The following ZPBP variants were observed in gnomAD, a reference collection of about 807,000 sequenced individuals.
ZPBP encodes zona pellucida-binding protein 1.
ZPBP carries 26 observed loss-of-function variants against 44.8 expected under a neutral mutation model. That is an observed-to-expected ratio of 0.58 (90% CI 0.43 to 0.81). The LOEUF (loss-of-function observed/expected upper bound fraction) is 0.81, where lower values mean the gene tolerates loss of function less well. ZPBP is among the 30% of genes least tolerant of loss of function. ZPBP has a pLI of 0.00. For synonymous variants in ZPBP, 174 were observed against 153.2 expected (o/e 1.14, Z -1.00); for missense variants, 409 against 434.0 (o/e 0.94, Z 0.51).
rs534110028 is a variant in ZPBP, at chr7:50,022,613, AG to A, written c.707-4298del. ...AGTAACAGGGACAATCAAACAAAAA[AG>A]ATATGAGACATCTTCTGGTTTCTAT... is the stretch of plus-strand genomic sequence containing the variant. On this transcript the variant is annotated intron_variant, in intron 5 of 7. Transcript: ENST00000046087. Among the ~76,000 whole-genome samples, 47 of 152,244 alleles carry A rather than the reference AG, an allele frequency of 3.1e-4. 1 individual carries two copies. The South Asian group carries it at 9.3e-3, about 30-fold the overall frequency.
intron 2 of ZPBP, among the ~76,000 whole-genome samples, chr7:49,892,036 T>G (rs1792156712): frequency 8.6e-6 from 1 of 116,062 alleles, no homozygotes; most frequent in African/African-American, 3.3e-5. Flanking sequence ...AGTAGATTTT[T>G]TTTTTTTTTT....
chr7:49,893,997 G>T (rs1307914735), intron 2 of ZPBP, among the ~76,000 whole-genome samples: 2 of 152,174 alleles, frequency 1.3e-5, no homozygotes, highest in East Asian at 3.9e-4. Flanking sequence ...TGCTCCATGG[G>T]GGCTGTGTCA....
intron 3 of ZPBP, among the ~76,000 whole-genome samples, chr7:50,072,515 G>C (rs1402563460): frequency 1.3e-5 from 2 of 152,216 alleles, no homozygotes; most frequent in African/African-American, 4.8e-5. Flanking sequence ...ACACAGGCTG[G>C]AGCCATGGAG....
chr7:49,947,816 CCTAA>C (rs1367732526), intron 7 of ZPBP, among the ~76,000 whole-genome samples: 4 of 152,204 alleles, frequency 2.6e-5, no homozygotes, highest in African/African-American at 9.6e-5. Flanking sequence ...TTCTTCCAGC[CCTAA>C]CTGTGTTCAG....
At chr7:50,086,479 G>T (rs1802657085) in intron 2 of ZPBP, among the ~76,000 whole-genome samples, 1 of 152,020 alleles carries the variant, frequency 6.6e-6, no homozygotes, top group Non-Finnish European at 1.5e-5. Flanking sequence ...ATGTAATAAA[G>T]AATGTGTGAT....
the ZPBP span, among the ~76,000 whole-genome samples, chr7:49,841,721 C>A: frequency 9.8e-5 from 15 of 152,310 alleles, no homozygotes; most frequent in East Asian, 2.1e-3. Context: ...CTACTTGATG[C>A]CCTTGTCCAC....
At chr7:49,923,503 C>T (rs1034225463) in intron 1 of ZPBP, among the ~76,000 whole-genome samples, 5 of 152,142 alleles carry the variant, frequency 3.3e-5, no homozygotes, top group Non-Finnish European at 5.9e-5. Flanking sequence ...TTATTAAGAC[C>T]TAATACTTAT....
At chr7:49,920,889 CTG>C (rs1371654221) in intron 1 of ZPBP, 1 of 152,070 alleles carries the variant, frequency 6.6e-6, no homozygotes, top group Non-Finnish European at 1.5e-5. Flanking sequence ...TTCTAATAGA[CTG>C]TTATAGGGGA....
intron 6 of ZPBP, among the ~76,000 whole-genome samples, chr7:50,018,027 A>G (rs958197151): frequency 3.3e-5 from 5 of 152,110 alleles, no homozygotes; most frequent in Admixed American, 1.3e-4. Flanking sequence ...TTCTTCATAT[A>G]ACCAATTACA....
rs1402781028 is a variant in ZPBP at position 49,954,748 on chromosome 7, G to A, written c.962-17126C>T. On this transcript the variant is annotated intron_variant, in intron 7 of 7. Transcript: ENST00000046087. ...CAAATATGTGGCAAAACTAAAAGGA[G>A]AAATAGACAAATTCACAATAATAGC... is the stretch of plus-strand genomic sequence containing the variant. Among the ~76,000 whole-genome samples the A allele has an allele frequency of 4.6e-5, 7 of 152,166 alleles. No homozygotes were observed. In the East Asian group the frequency reaches 1.4e-3, roughly 29 times the overall value.
intron 3 of ZPBP, among the ~76,000 whole-genome samples, chr7:50,071,392 C>T (rs982039841): frequency 1.3e-5 from 2 of 152,186 alleles, no homozygotes; most frequent in Admixed American, 1.3e-4. Context: ...CCAAGGTCTA[C>T]AGCACTCTGT....
At chr7:50,020,443 A>G (rs1799036934) in intron 5 of ZPBP, among the ~76,000 whole-genome samples, 1 of 152,038 alleles carries the variant, frequency 6.6e-6, no homozygotes, top group African/African-American at 2.4e-5. Context: ...TATCTAGGAG[A>G]CTGTTTCAGC....
At chr7:49,970,523 C>A (rs1583941288) in intron 7 of ZPBP, among the ~76,000 whole-genome samples, 2 of 93,210 alleles carry the variant, frequency 2.1e-5, no homozygotes, top group Admixed American at 1.6e-4. Context: ...TTGTCAAGGG[C>A]ACATGAAACA....
chr7:49,860,061 A>T (rs373980556), intron 2 of ZPBP, among the ~76,000 whole-genome samples: 7 of 152,108 alleles, frequency 4.6e-5, no homozygotes, highest in Non-Finnish European at 1.0e-4. Flanking sequence ...CCATAGTTGT[A>T]TGCCACTTTT....
At chr7:49,894,353 G>C (rs1012196280) in intron 2 of ZPBP, among the ~76,000 whole-genome samples, 1 of 152,026 alleles carries the variant, frequency 6.6e-6, no homozygotes, top group African/African-American at 2.4e-5. Context: ...ACGGGGTTTT[G>C]AACACCTGGG....
chr7:49,843,631 T>A, the ZPBP span, among the ~76,000 whole-genome samples: 2 of 152,300 alleles, frequency 1.3e-5, no homozygotes, highest in East Asian at 3.9e-4. Flanking sequence ...GTCCACAACG[T>A]AGGTAAAGAT....
At chr7:50,086,982 T>C (rs990065107) in intron 2 of ZPBP, among the ~76,000 whole-genome samples, 6 of 152,076 alleles carry the variant, frequency 3.9e-5, no homozygotes, top group Non-Finnish European at 7.4e-5. Context: ...CTTTGATTAA[T>C]AGTTTCTCAT....
intron 7 of ZPBP, chr7:49,940,726 C>A: frequency 1.0e-6 from 1 of 984,576 alleles, no homozygotes; most frequent in Non-Finnish European, 1.2e-6. Flanking sequence ...CACTGTCCCA[C>A]CTCCTTCCCC....
intron 2 of ZPBP, among the ~76,000 whole-genome samples, chr7:50,082,528 T>C (rs1183223416): frequency 6.6e-6 from 1 of 151,874 alleles, no homozygotes; most frequent in Non-Finnish European, 1.5e-5. Flanking sequence ...TACTCATAAG[T>C]AAACTTTTAG....
Sources: gnomAD v4.1 joint callset for allele counts (sites outside exome capture counted in the v4.1 genomes callset) on GRCh38, gnomAD v4.1.1 for gene constraint, MANE v1.5 for transcripts, NCBI Gene and HGNC (gene_info 2026-07-23, HGNC 2026-07-21) for gene names.